TAX1BP3: variants seen among roughly 807,000 people sequenced by gnomAD.
The protein encoded by TAX1BP3 is tax1-binding protein 3.
Under a neutral mutation model 15.3 loss-of-function variants are expected in TAX1BP3, and 13 were observed. That is an observed-to-expected ratio of 0.85 (90% CI 0.55 to 1.35). The LOEUF (loss-of-function observed/expected upper bound fraction) is 1.35, where lower values mean the gene tolerates loss of function less well. Among genes scored for constraint, TAX1BP3 ranks in the 40% most tolerant of loss-of-function variants. TAX1BP3 has a pLI of 0.00. For synonymous variants in TAX1BP3, 70 were observed against 66.0 expected, an observed-to-expected ratio of 1.06 and a Z score of -0.30; for missense variants, 147 against 169.6, an observed-to-expected ratio of 0.87 and a Z score of 0.74.
Position 3,663,574 on chromosome 17 carries a change from G to A in TAX1BP3, c.*174C>T, listed in dbSNP as rs567838506. ...CCAGGAGAGAAAGCCGGTCCCAGAG[G>A]CCCCAGGCCAGGGATGGGAGAAGGG... On this transcript the variant is annotated 3_prime_UTR_variant, in exon 4 of 4. Coordinates refer to ENST00000225525, the MANE Select transcript of TAX1BP3 (RefSeq NM_014604.4). The A allele has an allele frequency of 2.8e-4, 264 of 947,880 alleles. No individual in the cohort carries two copies. The highest frequency in any genetic ancestry group is 6.2e-4 in the Admixed American group (19 of 30,422). 58.7% of individuals were successfully genotyped at this position (947,880 alleles called of 1,614,324 possible).
rs1597679666 is a variant in TAX1BP3, at chr17:3,668,419, G to T, written c.39+69C>A. The T allele has an allele frequency of 6.3e-7, 1 of 1,576,054 alleles. No homozygotes were observed. The highest frequency in any genetic ancestry group is 1.4e-5 in the African/African-American group (1 of 73,300). The stretch of plus-strand genomic sequence containing the variant: ...TCGATGCTCTGTCAACCTGCTTGGG[G>T]TGTCCGTTTCCCGCTCTGCGAGGTG... On this transcript the variant is annotated intron_variant, in intron 1 of 3. Coordinates refer to ENST00000225525, the MANE Select transcript of TAX1BP3 (RefSeq NM_014604.4). This position sits in a 1 kb window ranked among gnomAD's most constrained non-coding sequence, Gnocchi z 4.1.
At chr17:3,667,264 A>C (rs1176423578) in intron 1 of TAX1BP3, among the ~76,000 whole-genome samples, 1 of 148,944 alleles carries the variant, frequency 6.7e-6, no homozygotes, top group Non-Finnish European at 1.5e-5. Context: ...AATCGCTTGA[A>C]CCCAGGAGGC....
In TAX1BP3 at chr17:3,663,564, G is replaced by C. The variant is rs550854679; in HGVS notation, c.*184C>G. 5.9e-6 allele frequency: 5 copies of C among 851,614 alleles called. 1 individual carries two copies. In the South Asian group the frequency reaches 1.0e-4, roughly 18 times the overall value. 52.8% of individuals were successfully genotyped at this position (851,614 alleles called of 1,614,324 possible). On this transcript the variant is annotated 3_prime_UTR_variant, in exon 4 of 4. Transcript: ENST00000225525. ...TCCTCGGTGTCCAGGAGAGAAAGCC[G>C]GTCCCAGAGGCCCCAGGCCAGGGAT...
At chr17:3,664,587 C>G in intron 2 of TAX1BP3, 92 bp downstream of exon 2, 1 of 1,515,292 alleles carries the variant, frequency 6.6e-7, no homozygotes, top group Non-Finnish European at 9.2e-7. Flanking sequence ...GAGATGAAGT[C>G]TGTTCCTTCC....
Position 3,668,385 on chromosome 17 carries a change from G to A in TAX1BP3, c.39+103C>T, listed in dbSNP as rs2076364770. ...GAGCCCTTGCCGCCGGTTCGCAGGAGCCCCGGGTTCGATGCTCTGTCAACC... is the reference window on the plus strand; with the variant it reads ...GAGCCCTTGCCGCCGGTTCGCAGGAACCCCGGGTTCGATGCTCTGTCAACC... On this transcript the variant is annotated intron_variant, in intron 1 of 3. Transcript: ENST00000225525. The surrounding 1 kb of genome is among the most constrained non-coding windows in gnomAD (Gnocchi z 4.1). 22 of 1,424,540 alleles carry A rather than the reference G, an allele frequency of 1.5e-5. No individual in the cohort carries two copies. The highest frequency in any genetic ancestry group is 2.5e-5 in the Admixed American group (1 of 40,350). 88.2% of individuals were successfully genotyped at this position (1,424,540 alleles called of 1,614,324 possible).
At chr17:3,664,940 G>T in intron 1 of TAX1BP3, 142 bp from the exon 2 acceptor site, 1 of 1,270,400 alleles carries the variant, frequency 7.9e-7, no homozygotes, top group Non-Finnish European at 1.1e-6. Context: ...CAGCCTGGGA[G>T]GCTGAGGAGC....
At position 3,663,897 on chromosome 17, in the gene TAX1BP3, A is replaced by G. The variant is rs774064668; in HGVS notation, c.238-12T>C. 6.2e-7 allele frequency: 1 copy of G among 1,604,174 alleles called. No homozygotes were observed. The highest frequency in any genetic ancestry group is 8.5e-7 in the Non-Finnish European group (1 of 1,178,338). ...TCCCAGCCGTTCACCTGGCCCCAGGAGAGAACACAGGCTCACCTCAGCTCC... is the reference window on the plus strand; with the variant it reads ...TCCCAGCCGTTCACCTGGCCCCAGGGGAGAACACAGGCTCACCTCAGCTCC... On this transcript the variant is annotated splice_polypyrimidine_tract_variant and intron_variant, in intron 3 of 3. Transcript: ENST00000225525.
chr17:3,663,624 G>A lies in TAX1BP3; in HGVS notation c.*124C>T. ...GAAGGAAGGCCAGGCCAGGCCTCTG[G>A]GACCAGCTATAGCCCTTCTGAGCTG... On this transcript the variant is annotated 3_prime_UTR_variant, in exon 4 of 4. Coordinates refer to ENST00000225525, the MANE Select transcript of TAX1BP3 (RefSeq NM_014604.4). 1 of 1,387,936 alleles carries A rather than the reference G, an allele frequency of 7.2e-7. No homozygotes were observed. The highest frequency in any genetic ancestry group is 1.4e-5 in the African/African-American group (1 of 70,068). 86.0% of individuals were successfully genotyped at this position (1,387,936 alleles called of 1,614,324 possible).
At chr17:3,667,622 T>C (rs543812795) in intron 1 of TAX1BP3, among the ~76,000 whole-genome samples, 1 of 152,274 alleles carries the variant, frequency 6.6e-6, no homozygotes, top group Non-Finnish European at 1.5e-5. Context: ...CTTCTCATTC[T>C]CTGAACGCTG....
Position 3,664,180 on chromosome 17 carries a change from T to C in TAX1BP3, c.237+15A>G. Reference sequence around the variant, plus strand: ...TGCCCAAACCTTGTTTCTCCTCCTTTGGGACACCTGTTACCTGCATGATCT... The same window carrying C: ...TGCCCAAACCTTGTTTCTCCTCCTTCGGGACACCTGTTACCTGCATGATCT... On this transcript the variant is annotated intron_variant, in intron 3 of 3. Coordinates refer to ENST00000225525, the MANE Select transcript of TAX1BP3 (RefSeq NM_014604.4). The C allele has an allele frequency of 1.2e-6, 2 of 1,614,084 alleles. No homozygotes were observed. The highest frequency in any genetic ancestry group is 1.7e-6 in the Non-Finnish European group (2 of 1,180,032).
chr17:3,667,299 C>A (rs893086796), intron 1 of TAX1BP3, among the ~76,000 whole-genome samples: 1 of 149,710 alleles, frequency 6.7e-6, no homozygotes, highest in East Asian at 2.0e-4. Context: ...ACCGAGATCG[C>A]GCCACTGTAC....
At chr17:3,667,978 A>G (rs2076359367) in intron 1 of TAX1BP3, among the ~76,000 whole-genome samples, 1 of 152,262 alleles carries the variant, frequency 6.6e-6, no homozygotes, top group African/African-American at 2.4e-5. Context: ...ACCCTGGACC[A>G]GGCGGCGAGT....
chr17:3,666,620 A>G (rs2076341479), intron 1 of TAX1BP3, among the ~76,000 whole-genome samples: 1 of 152,246 alleles, frequency 6.6e-6, no homozygotes, highest in Non-Finnish European at 1.5e-5. Flanking sequence ...TATTCTCAGG[A>G]TTCTACATGG....
intron 1 of TAX1BP3, chr17:3,665,752 A>AAG: frequency 1.6e-6 from 1 of 612,072 alleles, no homozygotes; most frequent in Admixed American, 2.7e-5. Flanking sequence ...CAAAAAAAAA[A>AAG]AAAAAAAAAA....
chr17:3,664,134 C>A (rs1597673960), intron 3 of TAX1BP3, 61 bp downstream of exon 3: 1 of 1,604,408 alleles, frequency 6.2e-7, no homozygotes, highest in East Asian at 2.2e-5. Context: ...GCTCCCCACC[C>A]CCAAGTGCTT....
At chr17:3,665,011 C>T (rs2076323393) in intron 1 of TAX1BP3, among the ~76,000 whole-genome samples, 1 of 152,170 alleles carries the variant, frequency 6.6e-6, no homozygotes, top group South Asian at 2.1e-4. Context: ...CAACCTGTCC[C>T]CACTTCCCCT....
At position 3,664,703 on chromosome 17, in the gene TAX1BP3, G is replaced by C; in HGVS notation, c.135C>G (p.Pro45=). Residue 45 remains proline, a synonymous_variant, in exon 2 of 4, where the codon CCC becomes CCG. Transcript: ENST00000225525. ...CCTTGTCCGTCTTGTCTTCAGAGAA[G>C]GGATTCTGGGAAGGATCCTGGTCGA... ...GGIDQDPSQN[P]FSEDKTDKGI... 6.2e-7 allele frequency: 1 copy of C among 1,613,824 alleles called. No homozygotes were observed. The highest frequency in any genetic ancestry group is 8.5e-7 in the Non-Finnish European group (1 of 1,179,912).
chr17:3,664,790 A>C lies in TAX1BP3; in HGVS notation c.48T>G (p.Val16=). 1 of 1,613,096 alleles carries C rather than the reference A, an allele frequency of 6.2e-7. No individual in the cohort carries two copies. Among genetic ancestry groups the C allele is most frequent in the Non-Finnish European group, 8.5e-7 (1 of 1,179,574 alleles). The change falls in exon 2 of 4, where the codon GTT becomes GTG. Residue 16 remains valine (V), a synonymous_variant. Transcript: ENST00000225525. ...GQPVTAVVQR[V]EIHKLRQGEN... is the part of the protein sequence containing the mutation. ...CACCTTGACGCAGCTTGTGAATTTC[A>C]ACTCTTTGCTGGCAAAGAAAAAAGC... is the stretch of plus-strand genomic sequence containing the variant.
chr17:3,668,083 G>A lies in TAX1BP3; in HGVS notation c.39+405C>T, dbSNP rs968944104. Among the ~76,000 whole-genome samples, 1 of 152,252 alleles carries A rather than the reference G, an allele frequency of 6.6e-6. No homozygotes were observed. The highest frequency in any genetic ancestry group is 2.1e-4 in the South Asian group (1 of 4,836). ...CCCAGATCTCCCTCCGGGCGGCGGC[G>A]CAGGCTGCAGCGGAGGAAGCATTTC... is the stretch of plus-strand genomic sequence containing the variant. On this transcript the variant is annotated intron_variant, in intron 1 of 3. Transcript: ENST00000225525. The surrounding 1 kb of genome is among the most constrained non-coding windows in gnomAD (Gnocchi z 4.1).
Sources: allele counts gnomAD v4.1 joint callset (sites outside exome capture counted in the v4.1 genomes callset), GRCh38; gene constraint gnomAD v4.1.1; non-coding constraint Gnocchi (gnomAD v3.1); transcripts MANE v1.5; gene names NCBI Gene and HGNC (gene_info 2026-07-23, HGNC 2026-07-21).